ARL15: variants seen among roughly 807,000 people sequenced by gnomAD.
ARL15 encodes the protein ARF like GTPase 15.
A neutral mutation model predicts 25.2 loss-of-function variants in ARL15; 19 were observed. The ratio of observed to expected loss-of-function variants is 0.75; its 90% CI spans 0.53 to 1.10. The LOEUF (loss-of-function observed/expected upper bound fraction) is 1.10. ARL15 is among the 50% of genes least tolerant of loss of function. The pLI, the probability that ARL15 is intolerant of heterozygous loss-of-function variation, is 0.00. For synonymous variants in ARL15, 94 were observed against 86.8 expected, an observed-to-expected ratio of 1.08 and a Z score of -0.46; for missense variants, 220 against 246.0, an observed-to-expected ratio of 0.89 and a Z score of 0.71.
At chr5:54,289,356 T>C (rs1758263418) in intron 1 of ARL15, among the ~76,000 whole-genome samples, 1 of 145,688 alleles carries the variant, frequency 6.9e-6, no homozygotes, top group Non-Finnish European at 1.5e-5. Flanking sequence ...TGACAAGTCC[T>C]ATGAAGAAAA....
intron 4 of ARL15, among the ~76,000 whole-genome samples, chr5:53,977,615 T>C (rs924615322): frequency 6.6e-6 from 1 of 152,192 alleles, no homozygotes; most frequent in African/African-American, 2.4e-5. Context: ...CAGAACAAAC[T>C]AAGGCAAGTG....
chr5:54,183,599 G>T (rs367986333), intron 1 of ARL15, among the ~76,000 whole-genome samples: 1 of 151,346 alleles, frequency 6.6e-6, no homozygotes, highest in East Asian at 2.0e-4. Flanking sequence ...AAGGATATTG[G>T]TCTAAAATTC....
chr5:54,268,493 TGTTCCATTGCTGGTGAGGAATTGC>T (rs1389843775), intron 1 of ARL15, among the ~76,000 whole-genome samples: 1 of 152,248 alleles, frequency 6.6e-6, no homozygotes. Context: ...CGTCCAGCTT[TGTTCCATTGCTGGTGAGGAATTGC>T]GTTCCTTTGG....
chr5:54,291,364 T>A (rs1222572062), intron 1 of ARL15, among the ~76,000 whole-genome samples: 1 of 152,244 alleles, frequency 6.6e-6, no homozygotes, highest in Non-Finnish European at 1.5e-5. Context: ...TATTTGCATG[T>A]AACCTACACA....
chr5:54,075,934 T>C (rs1160034903), intron 4 of ARL15, among the ~76,000 whole-genome samples: 2 of 152,220 alleles, frequency 1.3e-5, no homozygotes, highest in East Asian at 3.8e-4. Context: ...CCTGGATTTA[T>C]ACACTGACTC....
rs531976307 is a variant in ARL15, at chr5:54,208,969, C to G, written c.49-37041G>C. Among the ~76,000 whole-genome samples, 8 of 152,194 alleles carry G rather than the reference C, an allele frequency of 5.3e-5. No homozygotes were observed. In the East Asian group the frequency reaches 1.5e-3, roughly 29 times the overall value. ...GGAGATTTATACAACTCAAGAGAGA[C>G]AGAATATTGACTGAATGATGAGGAC... On this transcript the variant is annotated intron_variant, in intron 1 of 4. Coordinates refer to ENST00000504924, the MANE Select transcript of ARL15 (RefSeq NM_019087.3).
chr5:54,089,236 G>A (rs1410673849), intron 4 of ARL15, among the ~76,000 whole-genome samples: 1 of 152,106 alleles, frequency 6.6e-6, no homozygotes, highest in Non-Finnish European at 1.5e-5. Context: ...ATCTACCCTT[G>A]TGGCATCTAT....
At chr5:53,898,574 T>A (rs1744947260) in intron 4 of ARL15, among the ~76,000 whole-genome samples, 1 of 152,176 alleles carries the variant, frequency 6.6e-6, no homozygotes, top group African/African-American at 2.4e-5. Context: ...TATCTAGTTA[T>A]TTGGCAAACA....
intron 4 of ARL15, among the ~76,000 whole-genome samples, chr5:53,938,931 C>T (rs1746440078): frequency 2.6e-5 from 4 of 152,312 alleles, no homozygotes; most frequent in Admixed American, 1.3e-4. Flanking sequence ...CGTCAGTTTA[C>T]GACACAAATT....
At chr5:54,058,755 CT>C (rs1157574616) in intron 4 of ARL15, among the ~76,000 whole-genome samples, 6 of 152,130 alleles carry the variant, frequency 3.9e-5, no homozygotes, top group Admixed American at 3.9e-4. Flanking sequence ...TCAGATAGAG[CT>C]TTTGCTTTTC....
chr5:54,149,191 A>G (rs140817983), intron 3 of ARL15, among the ~76,000 whole-genome samples: 27 of 152,360 alleles, frequency 1.8e-4, no homozygotes, highest in Non-Finnish European at 3.4e-4. Flanking sequence ...CAATGATAGA[A>G]GAGATTTTTC....
rs70986649 is a variant in ARL15, at chr5:53,910,633, TTATATA to T, written c.463-23926_463-23921del. Among the ~76,000 whole-genome samples the T allele has an allele frequency of 1.3e-3, 70 of 55,002 alleles. 1 individual carries two copies. In the East Asian group the frequency reaches 0.017, roughly 13 times the overall value. 36.1% of individuals were successfully genotyped at this position (55,002 alleles called of 152,430 possible). A position where few individuals can be genotyped will look rare whatever the true frequency, so the allele number is the denominator to read the frequency against. ...GAACTTAAAGTATAATAAAAAAAAATTATATATATATATATATATATATATATATAT... is the reference window on the plus strand; with the variant it reads ...GAACTTAAAGTATAATAAAAAAAAATTATATATATATATATATATATATAT... On this transcript the variant is annotated intron_variant, in intron 4 of 4. Transcript: ENST00000504924.
At chr5:54,123,575 C>T (rs1227188018) in intron 3 of ARL15, among the ~76,000 whole-genome samples, 6 of 151,660 alleles carry the variant, frequency 4.0e-5, no homozygotes, top group Non-Finnish European at 2.9e-5. Flanking sequence ...TCAGACAATT[C>T]GAAATGAATA....
chr5:54,298,595 T>C (rs1251284923), intron 1 of ARL15, among the ~76,000 whole-genome samples: 2 of 152,096 alleles, frequency 1.3e-5, no homozygotes, highest in Non-Finnish European at 2.9e-5. Context: ...TCCTGGTGAA[T>C]GTCTCATAAA....
At chr5:54,122,289 C>T (rs924858243) in intron 3 of ARL15, among the ~76,000 whole-genome samples, 4 of 152,220 alleles carry the variant, frequency 2.6e-5, no homozygotes, top group African/African-American at 9.6e-5. Flanking sequence ...GACAAAAACG[C>T]ATGTTCTTTC....
At chr5:53,933,530 AGCTACTCAGG>A (rs1746260244) in intron 4 of ARL15, among the ~76,000 whole-genome samples, 1 of 151,044 alleles carries the variant, frequency 6.6e-6, no homozygotes, top group East Asian at 2.0e-4. Context: ...CTGTAGTCCC[AGCTACTCAGG>A]AGGCTGAGGC....
chr5:53,901,676 G>A (rs1745070659), intron 4 of ARL15, among the ~76,000 whole-genome samples: 1 of 150,668 alleles, frequency 6.6e-6, no homozygotes, highest in Admixed American at 6.6e-5. Flanking sequence ...GTGGGTGGGA[G>A]GGTGGGTGCA....
chr5:53,946,621 GC>G (rs1746744957), intron 4 of ARL15, among the ~76,000 whole-genome samples: 1 of 152,112 alleles, frequency 6.6e-6, no homozygotes, highest in African/African-American at 2.4e-5. Flanking sequence ...TATAAGCGGT[GC>G]CCATGAATAG....
Position 54,069,741 on chromosome 5 carries a change from G to A in ARL15, c.462+43461C>T, listed in dbSNP as rs554797618. Among the ~76,000 whole-genome samples the A allele has an allele frequency of 1.6e-3, 246 of 151,592 alleles. 1 individual carries two copies. Among genetic ancestry groups the A allele is most frequent in the African/African-American group, 5.7e-3 (235 of 41,342 alleles). ...CGGCTCACTGCAACCTCTGCCTCCT[G>A]GATTCAAGCAATTCTCCTGCCTCCT... On this transcript the variant is annotated intron_variant, in intron 4 of 4. Transcript: ENST00000504924.
Sources: gnomAD v4.1 joint callset for allele counts (sites outside exome capture counted in the v4.1 genomes callset) on GRCh38, gnomAD v4.1.1 for gene constraint, MANE v1.5 for transcripts, NCBI Gene and HGNC (gene_info 2026-07-23, HGNC 2026-07-21) for gene names.